GALNT13: variants seen among roughly 807,000 people sequenced by gnomAD.
GALNT13 encodes UDP-GalNAc:polypeptide N-acetylgalactosaminyltransferase 13.
In GALNT13, 28 loss-of-function variants were observed where a neutral mutation model predicts 64.2. That is an observed-to-expected ratio of 0.44 (90% confidence interval 0.32 to 0.60). The LOEUF is 0.60. GALNT13 is among the 20% of genes least tolerant of loss of function. The pLI, the probability that GALNT13 is intolerant of heterozygous loss-of-function variation, is 0.05. For synonymous variants in GALNT13, 214 were observed against 224.6 expected (o/e 0.95, Z 0.42); for missense variants, 577 against 669.8 (o/e 0.86, Z 1.53).
chr2:153,539,913 T>C, the GALNT13 span, among the ~76,000 whole-genome samples: 8 of 152,128 alleles, frequency 5.3e-5, no homozygotes, highest in African/African-American at 1.9e-4. Flanking sequence ...TGACCGAGCA[T>C]AAAAGTTTGG....
the GALNT13 span, among the ~76,000 whole-genome samples, chr2:153,082,832 T>TGAATAAATAAAATA: frequency 8.8e-5 from 13 of 148,078 alleles, no homozygotes; most frequent in African/African-American, 2.2e-4. Flanking sequence ...TTTTATTTAT[T>TGAATAAATAAAATA]TATTTATTTA....
At chr2:154,303,475 T>C (rs1053864340) in intron 9 of GALNT13, among the ~76,000 whole-genome samples, 2 of 151,800 alleles carry the variant, frequency 1.3e-5, no homozygotes, top group African/African-American at 4.8e-5. Context: ...GTTTGGAACA[T>C]GATTGGCCCA....
the GALNT13 span, among the ~76,000 whole-genome samples, chr2:153,597,056 A>T: frequency 6.6e-6 from 1 of 152,146 alleles, no homozygotes; most frequent in Admixed American, 6.6e-5. Flanking sequence ...AGAAAAATTC[A>T]AAGAATTCTT....
At chr2:154,372,492 T>A (rs1399022235) in intron 9 of GALNT13, among the ~76,000 whole-genome samples, 4 of 152,124 alleles carry the variant, frequency 2.6e-5, no homozygotes, top group African/African-American at 9.6e-5. Context: ...CCAATGTCAT[T>A]TGTAATAATA....
intron 4 of GALNT13, among the ~76,000 whole-genome samples, chr2:154,151,057 A>G (rs541978341): frequency 8.6e-5 from 13 of 152,042 alleles, no homozygotes; most frequent in South Asian, 2.1e-4. Context: ...GCTTTCTCTT[A>G]TGGGCATTTA....
chr2:153,345,695 CTTT>C, the GALNT13 span, among the ~76,000 whole-genome samples: 46 of 120,172 alleles, frequency 3.8e-4, no homozygotes, highest in Non-Finnish European at 6.5e-4. Context: ...TTCTTTCTTT[CTTT>C]CTTTCTCTTT....
At chr2:153,725,345 T>C in the GALNT13 span, among the ~76,000 whole-genome samples, 1 of 151,388 alleles carries the variant, frequency 6.6e-6, no homozygotes, top group Non-Finnish European at 1.5e-5. Context: ...TTGGGAGATA[T>C]ACCTAATGCT....
At chr2:154,169,107 C>G (rs939215367) in intron 4 of GALNT13, among the ~76,000 whole-genome samples, 3 of 151,994 alleles carry the variant, frequency 2.0e-5, no homozygotes, top group Non-Finnish European at 4.4e-5. Flanking sequence ...TGCAACACTC[C>G]CTCACTCCCC....
rs537167206 is a variant in GALNT13 at position 154,408,862 on chromosome 2, G to T, written c.1297-122G>T. ...TTTAAAGTAATATGTTTTTCTTGGA[G>T]AAATTTTCTTATGAAGTTGTATTAT... On this transcript the variant is annotated intron_variant, in intron 10 of 12. Transcript: ENST00000392825. 6 of 664,246 alleles carry T rather than the reference G, an allele frequency of 9.0e-6. No homozygotes were observed. In the South Asian group the frequency reaches 1.1e-4, roughly 12 times the overall value. The allele number at this position is 664,246 out of a possible 1,614,324, so 41.1% of individuals were successfully genotyped here. A position where few individuals can be genotyped will look rare whatever the true frequency, so the allele number is the denominator to read the frequency against.
chr2:153,445,925 G>GT, the GALNT13 span, among the ~76,000 whole-genome samples: 1 of 152,084 alleles, frequency 6.6e-6, no homozygotes, highest in African/African-American at 2.4e-5. Flanking sequence ...AGATTAGGTG[G>GT]TGGAAAGATG....
chr2:153,563,222 T>G, the GALNT13 span, among the ~76,000 whole-genome samples: 1 of 152,128 alleles, frequency 6.6e-6, no homozygotes, highest in Admixed American at 6.6e-5. Flanking sequence ...CTTAAAAAAA[T>G]TCTGTCCTTA....
intron 2 of GALNT13, among the ~76,000 whole-genome samples, chr2:153,922,363 A>G (rs970480633): frequency 3.9e-5 from 6 of 152,236 alleles, no homozygotes; most frequent in African/African-American, 1.4e-4. Context: ...TCAAAAGAAA[A>G]TATTATAATC....
the GALNT13 span, chr2:153,478,353 G>C: frequency 6.2e-7 from 1 of 1,614,158 alleles, no homozygotes; most frequent in Non-Finnish European, 8.5e-7. Context: ...AGAAGATGCC[G>C]AAGACCACGG....
At chr2:154,240,384 CAG>C (rs1332105194) in intron 4 of GALNT13, among the ~76,000 whole-genome samples, 2 of 152,196 alleles carry the variant, frequency 1.3e-5, no homozygotes, top group African/African-American at 4.8e-5. Flanking sequence ...CCTTACTAAT[CAG>C]TGTGCTCTGG....
At chr2:154,133,830 A>G (rs919155902) in intron 3 of GALNT13, among the ~76,000 whole-genome samples, 1 of 151,966 alleles carries the variant, frequency 6.6e-6, no homozygotes, top group Non-Finnish European at 1.5e-5. Context: ...AGTATAACAA[A>G]TAGACCCAAA....
At chr2:153,486,063 G>A in the GALNT13 span, among the ~76,000 whole-genome samples, 1 of 151,836 alleles carries the variant, frequency 6.6e-6, no homozygotes, top group African/African-American at 2.4e-5. Context: ...TCAGCCTCCC[G>A]AGTAGCTGGG....
the GALNT13 span, among the ~76,000 whole-genome samples, chr2:153,533,686 T>C: frequency 3.9e-4 from 56 of 145,384 alleles, no homozygotes; most frequent in African/African-American, 1.1e-3. Flanking sequence ...GCATTTTTCA[T>C]AGATGTCCCA....
intron 2 of GALNT13, among the ~76,000 whole-genome samples, chr2:153,920,306 TA>T (rs1310572781): frequency 1.3e-5 from 2 of 151,938 alleles, no homozygotes; most frequent in African/African-American, 2.4e-5. Flanking sequence ...TGGAACAGAA[TA>T]GACAACCCAG....
intron 9 of GALNT13, among the ~76,000 whole-genome samples, chr2:154,387,140 A>G (rs149330500): frequency 2.0e-5 from 3 of 152,246 alleles, no homozygotes; most frequent in African/African-American, 7.2e-5. Flanking sequence ...TGACATGCTA[A>G]TGAGAACTTA....
Sources: allele counts gnomAD v4.1 joint callset (sites outside exome capture counted in the v4.1 genomes callset), GRCh38; gene constraint gnomAD v4.1.1; transcripts MANE v1.5; gene names NCBI Gene and HGNC (gene_info 2026-07-23, HGNC 2026-07-21).